PCDH11X: variants seen among roughly 807,000 people sequenced by gnomAD.
PCDH11X encodes the protein protocadherin-11 X-linked.
In PCDH11X, 18 loss-of-function variants were observed where a neutral mutation model predicts 53.3. The observed-to-expected ratio is 0.34, with a 90% CI of 0.23 to 0.50. The LOEUF (loss-of-function observed/expected upper bound fraction) is 0.50. Among genes scored for constraint, PCDH11X ranks in the 20% least tolerant of loss-of-function variants. The pLI is 0.98. For missense variants in PCDH11X, 570 were observed against 1,032.4 expected (o/e 0.55, Z 6.14); for synonymous variants, 279 against 393.3 (o/e 0.71, Z 3.44).
intron 6 of PCDH11X, among the ~76,000 whole-genome samples, chrX:92,032,821 A>G (rs1265934218): frequency 1.9e-5 from 2 of 103,917 alleles, no homozygotes; most frequent in South Asian, 8.8e-4. Flanking sequence ...TTGAATCCCT[A>G]TGATAAATCC....
chrX:92,484,667 T>G (rs999440113), intron 10 of PCDH11X, among the ~76,000 whole-genome samples: 4 of 110,097 alleles, frequency 3.6e-5, no homozygotes, highest in Non-Finnish European at 7.6e-5. Flanking sequence ...CACTCATAAG[T>G]GGCAGCTAAG....
chrX:91,927,286 T>C (rs756645840), intron 6 of PCDH11X, among the ~76,000 whole-genome samples: 10 of 110,131 alleles, frequency 9.1e-5, no homozygotes, highest in Admixed American at 3.0e-4. Context: ...TTACGGAACA[T>C]GACAAATTCA....
At chrX:92,384,525 A>G (rs1434356724) in intron 8 of PCDH11X, among the ~76,000 whole-genome samples, 1 of 105,862 alleles carries the variant, frequency 9.4e-6, no homozygotes, top group Non-Finnish European at 1.9e-5. Flanking sequence ...TTTTATTATT[A>G]CTCAAATAAG....
At chrX:92,225,725 A>G (rs1414721185) in intron 7 of PCDH11X, among the ~76,000 whole-genome samples, 1 of 111,688 alleles carries the variant, frequency 9.0e-6, no homozygotes, top group Non-Finnish European at 1.9e-5. Flanking sequence ...CTCAAGCAAC[A>G]GTAATAGTTA....
At chrX:91,982,967 T>C in intron 6 of PCDH11X, 1 of 1,141,747 alleles carries the variant, frequency 8.8e-7, no homozygotes. Flanking sequence ...TAGTGTGAAG[T>C]TGGAATTCAT....
chrX:92,543,335 T>TTGCA (rs1221408753), intron 10 of PCDH11X, among the ~76,000 whole-genome samples: 6 of 108,117 alleles, frequency 5.5e-5, no homozygotes, highest in Non-Finnish European at 1.1e-4. Flanking sequence ...AATATCACAG[T>TTGCA]AACATAGTTC....
chrX:92,601,046 A>G (rs778697931), intron 10 of PCDH11X, among the ~76,000 whole-genome samples: 2 of 110,652 alleles, frequency 1.8e-5, no homozygotes, highest in Admixed American at 9.6e-5. Flanking sequence ...CCTCCATTGT[A>G]TCTAGGAAGT....
chrX:92,439,840 A>G (rs1303641726), intron 9 of PCDH11X, among the ~76,000 whole-genome samples: 2 of 101,568 alleles, frequency 2.0e-5, no homozygotes, highest in Admixed American at 2.3e-4. Flanking sequence ...CACTTAAACA[A>G]TCTTTGGAAG....
At chrX:92,152,757 ATG>A (rs1311431666) in intron 6 of PCDH11X, among the ~76,000 whole-genome samples, 1 of 29,340 alleles carries the variant, frequency 3.4e-5, no homozygotes, top group Non-Finnish European at 6.3e-5. Flanking sequence ...TATTTTATGT[ATG>A]TATGTATGTA....
In PCDH11X at chrX:92,266,814, G is replaced by A. The variant is rs745367476; in HGVS notation, c.3144+3671G>A. ...GGCTGGAGTGCAATGGCATGATTTC[G>A]GCTCACTGCAACCTCTACCTCCCAG... is the stretch of plus-strand genomic sequence containing the variant. On this transcript the variant is annotated intron_variant, in intron 8 of 10. Coordinates refer to ENST00000682573, the MANE Select transcript of PCDH11X (RefSeq NM_032968.5). 4.1e-4 allele frequency among the ~76,000 whole-genome samples: 44 copies of A among 108,378 alleles called. No homozygotes were observed. The South Asian group carries it at 0.017, about 42-fold the overall frequency. The allele number at this position is 108,378 out of a possible 115,157, so 94.1% of individuals were successfully genotyped here.
At chrX:92,594,852 TTG>T (rs1198590139) in intron 10 of PCDH11X, among the ~76,000 whole-genome samples, 1 of 109,111 alleles carries the variant, frequency 9.2e-6, no homozygotes, top group African/African-American at 3.3e-5. Flanking sequence ...TTTTTTTTGT[TTG>T]TTTGTTTTGG....
intron 6 of PCDH11X, chrX:92,113,532 C>G: frequency 8.3e-7 from 1 of 1,200,713 alleles, no homozygotes; most frequent in Non-Finnish European, 1.1e-6. Flanking sequence ...TCACGTCTCG[C>G]TCCTTTTGGT....
intron 8 of PCDH11X, among the ~76,000 whole-genome samples, chrX:92,295,712 A>G (rs1289677149): frequency 6.6e-5 from 6 of 90,331 alleles, no homozygotes; most frequent in Non-Finnish European, 1.4e-4. Flanking sequence ...ATCCCCATAA[A>G]AGCATGCTGG....
chrX:92,043,762 T>G (rs1216973866), intron 6 of PCDH11X, among the ~76,000 whole-genome samples: 5 of 109,901 alleles, frequency 4.5e-5, no homozygotes, highest in Non-Finnish European at 9.5e-5. Context: ...TAATATAAAA[T>G]TTTAATTTGC....
chrX:92,468,079 T>C (rs2073191020), intron 9 of PCDH11X: 3 of 194,895 alleles, frequency 1.5e-5, no homozygotes, highest in Non-Finnish European at 2.3e-5. Context: ...AGCCAACATA[T>C]TGCATAGGCT....
At chrX:92,274,787 G>A (rs185850068) in intron 8 of PCDH11X, among the ~76,000 whole-genome samples, 93 of 110,942 alleles carry the variant, frequency 8.4e-4, no homozygotes, top group African/African-American at 3.0e-3. Context: ...TGCCTTTGCT[G>A]GTGTGTGGCG....
At chrX:92,228,513 C>G (rs1436673804) in intron 7 of PCDH11X, among the ~76,000 whole-genome samples, 1 of 111,115 alleles carries the variant, frequency 9.0e-6, no homozygotes, top group South Asian at 3.7e-4. Context: ...AACGTATGGG[C>G]TTTGGAAACA....
chrX:92,220,388 G>A (rs1603204309), intron 7 of PCDH11X, among the ~76,000 whole-genome samples: 1 of 98,081 alleles, frequency 1.0e-5, no homozygotes, highest in Admixed American at 1.2e-4. Context: ...AGTGGGCAAA[G>A]GACATGAACA....
At chrX:92,458,427 T>C (rs994845377) in intron 9 of PCDH11X, among the ~76,000 whole-genome samples, 1 of 107,586 alleles carries the variant, frequency 9.3e-6, no homozygotes, top group African/African-American at 3.4e-5. Flanking sequence ...CAAAATACTG[T>C]TAACTAGAGT....
Sources: allele counts gnomAD v4.1 joint callset (sites outside exome capture counted in the v4.1 genomes callset), GRCh38; gene constraint gnomAD v4.1.1; transcripts MANE v1.5; gene names NCBI Gene and HGNC (gene_info 2026-07-23, HGNC 2026-07-21).